The following NEGR1 variants were observed in gnomAD, a reference collection of about 807,000 sequenced individuals.
NEGR1 encodes neuronal growth regulator 1, also known as IgLON family member 4.
Under a neutral mutation model 40.9 loss-of-function variants are expected in NEGR1, and 10 were observed. That is an observed-to-expected ratio of 0.24 (90% confidence interval 0.15 to 0.42). NEGR1 has a LOEUF of 0.42. Among genes scored for constraint, NEGR1 ranks in the 10% least tolerant of loss-of-function variants. The pLI is 1.00. For synonymous variants in NEGR1, 185 were observed against 166.8 expected (o/e 1.11, Z -0.84); for missense variants, 352 against 438.9 (o/e 0.80, Z 1.77).
chr1:72,053,353 T>G (rs1019257385), intron 1 of NEGR1, among the ~76,000 whole-genome samples: 1 of 119,818 alleles, frequency 8.3e-6, no homozygotes, highest in South Asian at 2.4e-4. Flanking sequence ...TGTAATAATT[T>G]AGGATTTTTT....
At chr1:71,636,881 G>A (rs146211099) in intron 4 of NEGR1, among the ~76,000 whole-genome samples, 1 of 152,142 alleles carries the variant, frequency 6.6e-6, no homozygotes, top group Non-Finnish European at 1.5e-5. Context: ...CCAAGGTACT[G>A]TTTTGATAAT....
chr1:72,267,845 T>C (rs886115955), intron 1 of NEGR1, among the ~76,000 whole-genome samples: 3 of 151,266 alleles, frequency 2.0e-5, no homozygotes, highest in Non-Finnish European at 3.0e-5. Context: ...AAGAAGATTA[T>C]GATGCTAACA....
intron 2 of NEGR1, among the ~76,000 whole-genome samples, chr1:71,873,756 G>A (rs1429665771): frequency 6.6e-6 from 1 of 152,080 alleles, no homozygotes; most frequent in African/African-American, 2.4e-5. Context: ...AAGCTGTAGT[G>A]GGTGTTACTG....
intron 2 of NEGR1, among the ~76,000 whole-genome samples, chr1:71,910,897 C>T (rs912047889): frequency 7.2e-5 from 11 of 151,868 alleles, no homozygotes; most frequent in African/African-American, 2.7e-4. Context: ...TAGGTTTCAC[C>T]ATGTTGCCCA....
intron 1 of NEGR1, among the ~76,000 whole-genome samples, chr1:72,052,739 A>T (rs1212793249): frequency 1.3e-5 from 2 of 151,508 alleles, no homozygotes; most frequent in African/African-American, 4.8e-5. Context: ...ACTTTTGCAT[A>T]AAAATAGTGA....
At chr1:71,500,605 T>C (rs573354822) in intron 6 of NEGR1, among the ~76,000 whole-genome samples, 1 of 152,188 alleles carries the variant, frequency 6.6e-6, no homozygotes, top group East Asian at 1.9e-4. Context: ...CAGTTATCAT[T>C]ACATTAAAAA....
chr1:72,191,287 G>C (rs547641384), intron 1 of NEGR1, among the ~76,000 whole-genome samples: 1 of 151,692 alleles, frequency 6.6e-6, no homozygotes, highest in South Asian at 2.1e-4. Context: ...TAAAGTTTTA[G>C]GTTCCTTTTG....
In NEGR1 at chr1:71,805,255, C is replaced by A. The variant is rs369845677; in HGVS notation, c.410-28958G>T. 2.1e-4 allele frequency among the ~76,000 whole-genome samples: 32 copies of A among 152,236 alleles called. 1 individual carries two copies. The East Asian group carries it at 3.1e-3, about 15-fold the overall frequency. On this transcript the variant is annotated intron_variant, in intron 2 of 6. Transcript: ENST00000357731. ...CCTGTGGTCCTGTGATCTTGCCCTG[C>A]CTCCATTTACCTTGTGATATCTTAT... is the stretch of plus-strand genomic sequence containing the variant.
chr1:72,085,628 T>TA (rs1233281512), intron 1 of NEGR1, among the ~76,000 whole-genome samples: 1 of 152,154 alleles, frequency 6.6e-6, no homozygotes, highest in Non-Finnish European at 1.5e-5. Flanking sequence ...GGAACTAAAA[T>TA]AAATTATAAA....
chr1:71,937,050 A>G (rs1645912676), intron 1 of NEGR1, among the ~76,000 whole-genome samples: 2 of 152,174 alleles, frequency 1.3e-5, no homozygotes. Flanking sequence ...GATTGCTACA[A>G]AATTGTAAGC....
At chr1:71,875,642 C>A (rs1385725692) in intron 2 of NEGR1, among the ~76,000 whole-genome samples, 2 of 152,152 alleles carry the variant, frequency 1.3e-5, no homozygotes, top group Non-Finnish European at 2.9e-5. Context: ...AGCCAGGCAT[C>A]CCTGTGCAGC....
intron 1 of NEGR1, among the ~76,000 whole-genome samples, chr1:72,103,964 T>C (rs931090812): frequency 1.3e-5 from 2 of 152,140 alleles, no homozygotes; most frequent in Non-Finnish European, 2.9e-5. Flanking sequence ...TGATTTTAAT[T>C]TATAAAATCC....
intron 3 of NEGR1, among the ~76,000 whole-genome samples, chr1:71,712,474 T>A (rs984691756): frequency 6.6e-6 from 1 of 152,170 alleles, no homozygotes; most frequent in Non-Finnish European, 1.5e-5. Context: ...CACTTTAACA[T>A]CCTATTATAT....
chr1:71,578,533 T>A (rs1649032763), intron 6 of NEGR1, among the ~76,000 whole-genome samples: 1 of 152,106 alleles, frequency 6.6e-6, no homozygotes, highest in Admixed American at 6.5e-5. Context: ...GACAAGGTGT[T>A]ATACATCTAT....
Position 71,607,645 on chromosome 1 carries a change from C to T in NEGR1, c.788+3381G>A, listed in dbSNP as rs980720618. Reference sequence around the variant, plus strand: ...ATTATCAACTTAGAACACTACCTGTCCAATAGCAGGTGCTTGCTAAATAGA... The same window carrying T: ...ATTATCAACTTAGAACACTACCTGTTCAATAGCAGGTGCTTGCTAAATAGA... On this transcript the variant is annotated intron_variant, in intron 5 of 6. Transcript: ENST00000357731. Among the ~76,000 whole-genome samples, 3 of 152,180 alleles carry T rather than the reference C, an allele frequency of 2.0e-5. No homozygotes were observed. In the South Asian group the frequency reaches 6.2e-4, roughly 32 times the overall value.
chr1:72,268,223 A>G (rs1248701011), intron 1 of NEGR1, among the ~76,000 whole-genome samples: 1 of 151,448 alleles, frequency 6.6e-6, no homozygotes, highest in Non-Finnish European at 1.5e-5. Context: ...GGAAGGCAGC[A>G]TAAGAAAGAA....
At chr1:71,794,748 G>A (rs1657257259) in intron 2 of NEGR1, among the ~76,000 whole-genome samples, 1 of 152,086 alleles carries the variant, frequency 6.6e-6, no homozygotes, top group Non-Finnish European at 1.5e-5. Context: ...TATCTTAAAT[G>A]TAAACAGGTA....
chr1:72,218,017 C>T (rs894163416), intron 1 of NEGR1, among the ~76,000 whole-genome samples: 2 of 151,690 alleles, frequency 1.3e-5, no homozygotes, highest in African/African-American at 2.4e-5. Flanking sequence ...TGAAGAAATT[C>T]TTTATACAGT....
intron 6 of NEGR1, among the ~76,000 whole-genome samples, chr1:71,462,689 G>A (rs1018989997): frequency 1.3e-5 from 2 of 152,062 alleles, no homozygotes; most frequent in East Asian, 1.9e-4. Flanking sequence ...GAATATAAAG[G>A]CCACTGAAAA....
Sources: allele counts gnomAD v4.1 joint callset (sites outside exome capture counted in the v4.1 genomes callset), GRCh38; gene constraint gnomAD v4.1.1; transcripts MANE v1.5; gene names NCBI Gene and HGNC (gene_info 2026-07-23, HGNC 2026-07-21).